The following DIS3L2 variants were observed in gnomAD, a reference collection of about 807,000 sequenced individuals.
DIS3L2 encodes the protein DIS3 like 3'-5' exoribonuclease 2, also known as DIS3-like exonuclease 2.
Under a neutral mutation model 97.5 loss-of-function variants are expected in DIS3L2, and 34 were observed. The ratio of observed to expected loss-of-function variants is 0.35; its 90% CI spans 0.27 to 0.46. The LOEUF (loss-of-function observed/expected upper bound fraction) is 0.46, where lower values mean the gene tolerates loss of function less well. Ranked by LOEUF, DIS3L2 falls within the 20% of genes least tolerant of loss-of-function variation. The probability of loss-of-function intolerance (pLI) is 1.00; values close to 1 mark genes in which losing one functional copy is unlikely to be tolerated. For synonymous variants in DIS3L2, 435 were observed against 445.2 expected (o/e 0.98, Z 0.29); for missense variants, 1,038 against 1,146.0 (o/e 0.91, Z 1.36).
At chr2:232,309,502 A>T (rs1176458100) in intron 14 of DIS3L2, among the ~76,000 whole-genome samples, 1 of 152,040 alleles carries the variant, frequency 6.6e-6, no homozygotes, top group Non-Finnish European at 1.5e-5. Context: ...GCTACGGCCC[A>T]GGTTTTTTTG....
rs947355181 is a variant in DIS3L2 at position 232,268,390 on chromosome 2, C to A, written c.1659+4950C>A. 2.6e-5 allele frequency among the ~76,000 whole-genome samples: 4 copies of A among 152,146 alleles called. No individual in the cohort carries two copies. Among genetic ancestry groups the A allele is most frequent in the African/African-American group, 4.8e-5 (2 of 41,428 alleles). On this transcript the variant is annotated intron_variant, in intron 13 of 20. Coordinates refer to ENST00000325385, the MANE Select transcript of DIS3L2 (RefSeq NM_152383.5). This position sits in a 1 kb window ranked among gnomAD's most constrained non-coding sequence, Gnocchi z 4.1. ...CTGGGACCCAAGCTGCAGTGGAATG[C>A]TGTTATGTATGACCTTGACCTGTTC... is the stretch of plus-strand genomic sequence containing the variant.
At chr2:231,983,591 T>C (rs1693321293) in intron 1 of DIS3L2, among the ~76,000 whole-genome samples, 3 of 152,076 alleles carry the variant, frequency 2.0e-5, no homozygotes. Flanking sequence ...TATCAGAATC[T>C]AATGCCTGAT....
chr2:232,337,491 C>T (rs1165828549), downstream of DIS3L2, among the ~76,000 whole-genome samples: 1 of 152,098 alleles, frequency 6.6e-6, no homozygotes, highest in East Asian at 1.9e-4. Context: ...GGGAAACTGG[C>T]TGCTGGTGAC....
chr2:232,213,656 C>G (rs949658647), intron 10 of DIS3L2, among the ~76,000 whole-genome samples: 2 of 100,300 alleles, frequency 2.0e-5, no homozygotes, highest in African/African-American at 3.8e-5. Flanking sequence ...TTTATATCAT[C>G]TGTAGTTTTT....
intron 9 of DIS3L2, among the ~76,000 whole-genome samples, chr2:232,168,059 A>G (rs941463936): frequency 1.3e-5 from 2 of 152,154 alleles, no homozygotes; most frequent in Admixed American, 6.5e-5. Flanking sequence ...AAAAAATAAA[A>G]ATAAATAAAA....
chr2:232,225,420 A>G (rs562936401), intron 10 of DIS3L2, among the ~76,000 whole-genome samples: 1 of 152,368 alleles, frequency 6.6e-6, no homozygotes, highest in African/African-American at 2.4e-5. Context: ...AAAACACAAC[A>G]TGATGAATAT....
chr2:231,981,757 G>A (rs1355110448), intron 1 of DIS3L2, among the ~76,000 whole-genome samples: 2 of 150,972 alleles, frequency 1.3e-5, no homozygotes, highest in Non-Finnish European at 2.9e-5. Flanking sequence ...TTGGTGGCCA[G>A]GCGTGGTGGC....
Position 232,009,264 on chromosome 2 carries a change from T to C in DIS3L2, c.-93-5571T>C, listed in dbSNP as rs952871076. On this transcript the variant is annotated intron_variant, in intron 1 of 20. Coordinates refer to ENST00000325385, the MANE Select transcript of DIS3L2 (RefSeq NM_152383.5). ...CCCCTTCCATGTATGGGTCACGCTT[T>C]TCTGATTCTTTGCATATCTTATGAA... Among the ~76,000 whole-genome samples the C allele has an allele frequency of 2.0e-5, 3 of 152,228 alleles. No individual in the cohort carries two copies. In the East Asian group the frequency reaches 5.8e-4, roughly 29 times the overall value.
intron 4 of DIS3L2, among the ~76,000 whole-genome samples, chr2:232,025,235 T>C (rs1694624874): frequency 1.3e-5 from 2 of 152,186 alleles, no homozygotes; most frequent in Admixed American, 1.3e-4. Context: ...ATTTAGAATT[T>C]TTTTTTAAAT....
At chr2:232,126,656 T>C (rs1363395455) in intron 6 of DIS3L2, among the ~76,000 whole-genome samples, 1 of 152,214 alleles carries the variant, frequency 6.6e-6, no homozygotes, top group Non-Finnish European at 1.5e-5. Context: ...GGGATGTGGC[T>C]GAGGGATGTG....
intron 1 of DIS3L2, among the ~76,000 whole-genome samples, chr2:231,980,025 A>G (rs1052608268): frequency 3.3e-5 from 5 of 152,148 alleles, no homozygotes; most frequent in Non-Finnish European, 7.3e-5. Flanking sequence ...GTTTCCTTCT[A>G]ATGATGTCTT....
At chr2:232,221,770 C>G (rs944957602) in intron 10 of DIS3L2, among the ~76,000 whole-genome samples, 1 of 152,064 alleles carries the variant, frequency 6.6e-6, no homozygotes, top group Non-Finnish European at 1.5e-5. Context: ...CAGTGTACTC[C>G]AGCCGGGGTG....
chr2:232,169,571 T>C lies in DIS3L2; in HGVS notation c.1124+5939T>C, dbSNP rs151168733. Among the ~76,000 whole-genome samples, 52 of 152,236 alleles carry C rather than the reference T, an allele frequency of 3.4e-4. No individual in the cohort carries two copies. In the East Asian group the frequency reaches 7.5e-3, roughly 22 times the overall value. On this transcript the variant is annotated intron_variant, in intron 9 of 20. Transcript: ENST00000325385. ...ATAGAGGGAAATAGAGTGACTAAAG[T>C]TGTCTTCATTTTAGTGATAGTCCAT...
At chr2:232,272,384 A>G (rs1694030997) in intron 13 of DIS3L2, among the ~76,000 whole-genome samples, 1 of 152,230 alleles carries the variant, frequency 6.6e-6, no homozygotes. Context: ...AGATAAAAGC[A>G]AGGGCACAGT....
At chr2:232,147,268 G>A (rs968097043) in intron 8 of DIS3L2, among the ~76,000 whole-genome samples, 3 of 152,052 alleles carry the variant, frequency 2.0e-5, no homozygotes, top group Admixed American at 6.5e-5. Context: ...AGCATGTCCG[G>A]CCCATAAAAA....
chr2:232,281,503 C>G lies in DIS3L2; in HGVS notation c.1659+18063C>G, dbSNP rs1694284107. ...GATGGGACCTCTTTTTTAGAAAGAT[C>G]TCTTTGGCAGCTCTGTAGAGAATGA... On this transcript the variant is annotated intron_variant, in intron 13 of 20. Coordinates refer to ENST00000325385, the MANE Select transcript of DIS3L2 (RefSeq NM_152383.5). This position sits in a 1 kb window ranked among gnomAD's most constrained non-coding sequence, Gnocchi z 4.1. Among the ~76,000 whole-genome samples the G allele has an allele frequency of 6.6e-6, 1 of 152,188 alleles. No homozygotes were observed. Among genetic ancestry groups the G allele is most frequent in the Non-Finnish European group, 1.5e-5 (1 of 68,026 alleles).
intron 5 of DIS3L2, among the ~76,000 whole-genome samples, chr2:232,033,116 G>A (rs1446901559): frequency 2.6e-5 from 4 of 152,302 alleles, no homozygotes; most frequent in Admixed American, 1.3e-4. Context: ...TCCTATCTAT[G>A]AGCATGGAAT....
intron 17 of DIS3L2, among the ~76,000 whole-genome samples, 161 bp downstream of exon 17, chr2:232,334,148 C>T (rs534369777): frequency 3.8e-4 from 58 of 152,188 alleles, no homozygotes; most frequent in Non-Finnish European, 6.3e-4. Context: ...ACTCTCCCTA[C>T]GGGCCGGTGC....
chr2:232,116,061 A>G (rs965003070), intron 6 of DIS3L2, among the ~76,000 whole-genome samples: 7 of 152,054 alleles, frequency 4.6e-5, no homozygotes, highest in Non-Finnish European at 7.3e-5. Context: ...AATCCCAGCT[A>G]CTCAGGAGGC....
Sources: gnomAD v4.1 joint callset for allele counts (sites outside exome capture counted in the v4.1 genomes callset) on GRCh38, gnomAD v4.1.1 for gene constraint, Gnocchi (gnomAD v3.1) non-coding constraint, MANE v1.5 for transcripts, NCBI Gene and HGNC (gene_info 2026-07-23, HGNC 2026-07-21) for gene names.